The following ASIC2 variants were observed in gnomAD, a reference collection of about 807,000 sequenced individuals.
ASIC2 encodes acid-sensing ion channel 2.
A neutral mutation model predicts 57.3 loss-of-function variants in ASIC2; 25 were observed. The observed-to-expected ratio is 0.44, with a 90% CI of 0.32 to 0.61. ASIC2 has a LOEUF of 0.61. ASIC2 is among the 20% of genes least tolerant of loss of function. The pLI, the probability that ASIC2 is intolerant of heterozygous loss-of-function variation, is 0.06. For missense variants in ASIC2, 641 were observed against 738.1 expected (o/e 0.87, Z 1.52); for synonymous variants, 319 against 307.5 (o/e 1.04, Z -0.39).
intron 1 of ASIC2, among the ~76,000 whole-genome samples, chr17:33,353,476 G>C (rs1014727373): frequency 6.6e-6 from 1 of 152,038 alleles, no homozygotes; most frequent in African/African-American, 2.4e-5. Context: ...TGAAACTACA[G>C]GTATATGCCA....
chr17:33,091,364 G>T (rs1186437825), intron 2 of ASIC2, among the ~76,000 whole-genome samples: 2 of 152,208 alleles, frequency 1.3e-5, no homozygotes, highest in African/African-American at 4.8e-5. Context: ...GGATGCCCCT[G>T]CTGGGAGGAA....
intron 1 of ASIC2, among the ~76,000 whole-genome samples, chr17:33,322,971 G>C (rs1016765621): frequency 6.6e-6 from 1 of 152,188 alleles, no homozygotes; most frequent in Admixed American, 6.5e-5. Flanking sequence ...AAGAGAACAA[G>C]GGACTGGAGT....
rs562981397 is a variant in ASIC2, at chr17:33,095,142, A to G, written c.860-6152T>C. 7.9e-5 allele frequency among the ~76,000 whole-genome samples: 12 copies of G among 152,320 alleles called. No individual in the cohort carries two copies. The South Asian group carries it at 2.3e-3, about 29-fold the overall frequency. ...TAATAACTCAACAATTTGCAGTGTC[A>G]TCATCACCATCATCACCATGAATTC... On this transcript the variant is annotated intron_variant, in intron 2 of 9. Coordinates refer to ENST00000225823, the MANE Select transcript of ASIC2 (RefSeq NM_183377.2).
intron 1 of ASIC2, among the ~76,000 whole-genome samples, chr17:33,620,209 T>G (rs1905740499): frequency 7.3e-6 from 1 of 136,914 alleles, no homozygotes; most frequent in South Asian, 2.2e-4. Flanking sequence ...GGAAAATATC[T>G]GAGTAGAATG....
intron 1 of ASIC2, among the ~76,000 whole-genome samples, chr17:33,460,376 G>A (rs1912595050): frequency 6.6e-6 from 1 of 152,166 alleles, no homozygotes; most frequent in Non-Finnish European, 1.5e-5. Context: ...TGGGAGGTGG[G>A]AATTAGTGCG....
At chr17:33,717,050 TAAC>T (rs1255307740) in intron 1 of ASIC2, among the ~76,000 whole-genome samples, 7 of 152,176 alleles carry the variant, frequency 4.6e-5, no homozygotes, top group African/African-American at 1.4e-4. Context: ...CCTCTAAACT[TAAC>T]AACCTCTGCC....
intron 1 of ASIC2, among the ~76,000 whole-genome samples, chr17:33,882,057 A>G (rs959621067): frequency 6.6e-6 from 1 of 152,224 alleles, no homozygotes; most frequent in Non-Finnish European, 1.5e-5. Context: ...GGCTAGCCAT[A>G]TGTAGAAAGC....
At position 33,814,628 on chromosome 17, in the gene ASIC2, C is replaced by A. The variant is rs12942344; in HGVS notation, c.555+341350G>T. On this transcript the variant is annotated intron_variant, in intron 1 of 9. Transcript: ENST00000359872. ...AAGTGGCAGAGGGGTGTCACTTTAG[C>A]AAATCCTAGAACTTACTAAGCCAAG... Among the ~76,000 whole-genome samples the A allele has an allele frequency of 8.1e-3, 1,235 of 152,356 alleles. 14 individuals carry two copies. Among genetic ancestry groups the A allele is most frequent in the African/African-American group, 0.028 (1,171 of 41,584 alleles).
chr17:33,418,367 T>TA (rs59695710), intron 1 of ASIC2, among the ~76,000 whole-genome samples: 1,723 of 150,682 alleles, frequency 0.011, 27 homozygotes, highest in African/African-American at 0.037. Context: ...TGCTCCCTGT[T>TA]AAAAAAAAAA....
chr17:33,918,863 G>A (rs73274521), intron 1 of ASIC2, among the ~76,000 whole-genome samples: 2,651 of 152,272 alleles, frequency 0.017, 84 homozygotes, highest in African/African-American at 0.061. Context: ...TCATGCATGC[G>A]GAAGAAACTT....
intron 1 of ASIC2, among the ~76,000 whole-genome samples, chr17:33,977,055 C>T (rs2142001700): frequency 6.6e-6 from 1 of 152,180 alleles, no homozygotes; most frequent in Non-Finnish European, 1.5e-5. Flanking sequence ...ATTTCTGATA[C>T]AAATGATGTG....
At chr17:33,848,000 T>C (rs1188027439) in intron 1 of ASIC2, among the ~76,000 whole-genome samples, 1 of 152,124 alleles carries the variant, frequency 6.6e-6, no homozygotes, top group Non-Finnish European at 1.5e-5. Context: ...TGACAGAAGA[T>C]AGCCAAGAGC....
intron 3 of ASIC2, among the ~76,000 whole-genome samples, chr17:33,073,506 C>T (rs2092077474): frequency 6.6e-6 from 1 of 152,168 alleles, no homozygotes; most frequent in Admixed American, 6.5e-5. Context: ...CACAGGGAAG[C>T]CTATCTTGCA....
chr17:33,966,871 G>C (rs564381233), intron 1 of ASIC2, among the ~76,000 whole-genome samples: 1 of 152,154 alleles, frequency 6.6e-6, no homozygotes, highest in Admixed American at 6.5e-5. Flanking sequence ...TATCTATTCT[G>C]GTACATCAGT....
chr17:33,989,141 T>G (rs1442289646), intron 1 of ASIC2, among the ~76,000 whole-genome samples: 1 of 152,016 alleles, frequency 6.6e-6, no homozygotes, highest in Non-Finnish European at 1.5e-5. Context: ...TTCTTGTTAG[T>G]GAGACATGAT....
At chr17:33,605,035 C>G (rs1309693474) in intron 1 of ASIC2, among the ~76,000 whole-genome samples, 2 of 152,178 alleles carry the variant, frequency 1.3e-5, no homozygotes, top group South Asian at 4.2e-4. Context: ...CTCTCTCTCT[C>G]TCTCAAGTTC....
chr17:33,729,818 T>G (rs1909683572), intron 1 of ASIC2, among the ~76,000 whole-genome samples: 1 of 152,218 alleles, frequency 6.6e-6, no homozygotes, highest in Non-Finnish European at 1.5e-5. Context: ...AGTAGTATTA[T>G]TCTAGTTTCA....
intron 3 of ASIC2, among the ~76,000 whole-genome samples, chr17:33,044,154 C>T (rs752111195): frequency 9.2e-5 from 14 of 151,950 alleles, no homozygotes; most frequent in Non-Finnish European, 2.1e-4. Flanking sequence ...TGGAGCTCTG[C>T]GAGAATCCTT....
At chr17:33,902,931 A>G (rs1314178845) in intron 1 of ASIC2, among the ~76,000 whole-genome samples, 1 of 152,210 alleles carries the variant, frequency 6.6e-6, no homozygotes, top group African/African-American at 2.4e-5. Flanking sequence ...CACTTTCTGC[A>G]TGGAATGTTT....
Sources: allele counts gnomAD v4.1 joint callset (sites outside exome capture counted in the v4.1 genomes callset), GRCh38; gene constraint gnomAD v4.1.1; transcripts MANE v1.5; gene names NCBI Gene and HGNC (gene_info 2026-07-23, HGNC 2026-07-21).